The following PUS7 variants were observed in gnomAD, a reference collection of about 807,000 sequenced individuals.
PUS7 encodes pseudouridylate synthase 7 homolog.
PUS7 carries 48 observed loss-of-function variants against 79.8 expected under a neutral mutation model. That is an observed-to-expected ratio of 0.60 (90% CI 0.48 to 0.76). The LOEUF is 0.76. Among genes scored for constraint, PUS7 ranks in the 30% least tolerant of loss-of-function variants. The pLI is 0.00. For missense variants in PUS7, 729 were observed against 797.6 expected (o/e 0.91, Z 1.04); for synonymous variants, 286 against 272.2 (o/e 1.05, Z -0.50).
chr7:105,506,755 C>A (rs1024913895), intron 2 of PUS7, among the ~76,000 whole-genome samples: 1 of 151,972 alleles, frequency 6.6e-6, no homozygotes, highest in Non-Finnish European at 1.5e-5. Flanking sequence ...CTGAGCCATA[C>A]CTTGGCTCAA....
chr7:105,470,690 T>C lies in PUS7; in HGVS notation c.1396A>G (p.Ile466Val), dbSNP rs1456594445. 2.5e-6 allele frequency: 4 copies of C among 1,582,536 alleles called. No individual in the cohort carries two copies. The part of the protein sequence containing the change: ...GMKNIVSAFG[I>V]IPRNNRLMYI... ...CTGACTTCACAAATTGCACTCACTA[T>C]GCCAAATGCAGAGACTATATTCTTC... Residue 466 changes from isoleucine to valine, a missense_variant and splice_region_variant, in exon 11 of 16, where the codon ATA becomes GTA. Physicochemically the swap from Ile to Val is conservative, Grantham distance 29. Coordinates refer to ENST00000469408, the MANE Select transcript of PUS7 (RefSeq NM_019042.5).
At chr7:105,490,335 C>G (rs1465050137) in intron 7 of PUS7, among the ~76,000 whole-genome samples, 1 of 152,080 alleles carries the variant, frequency 6.6e-6, no homozygotes, top group Admixed American at 6.6e-5. Flanking sequence ...TGTTATTTCT[C>G]TCTCCCACCA....
rs373243240 is a variant in PUS7, at chr7:105,514,862, G to A, written c.-32-6318C>T. Among the ~76,000 whole-genome samples, 55 of 151,518 alleles carry A rather than the reference G, an allele frequency of 3.6e-4. 2 individuals are homozygous for A. The East Asian group carries it at 4.4e-3, about 12-fold the overall frequency. The stretch of plus-strand genomic sequence containing the variant: ...GCTGGAGAGCAGTGGCGCAATCTCG[G>A]CTCACTGCAAGCTCCGCCTCCTGGG... On this transcript the variant is annotated intron_variant, in intron 1 of 15. Coordinates refer to ENST00000469408, the MANE Select transcript of PUS7 (RefSeq NM_019042.5).
intron 12 of PUS7, 31 bp from the exon 13 acceptor site, chr7:105,465,445 G>C (rs1450612341): frequency 1.4e-6 from 2 of 1,449,174 alleles, no homozygotes; most frequent in Non-Finnish European, 1.9e-6. Flanking sequence ...AATAAATTAA[G>C]AAAATAGGCA....
chr7:105,502,828 T>C (rs1825309978), intron 4 of PUS7, among the ~76,000 whole-genome samples: 1 of 152,102 alleles, frequency 6.6e-6, no homozygotes, highest in Non-Finnish European at 1.5e-5. Context: ...GCCTCCTGAG[T>C]AGCTGGGATT....
At chr7:105,517,108 C>T (rs549674840) in intron 1 of PUS7, among the ~76,000 whole-genome samples, 5 of 152,112 alleles carry the variant, frequency 3.3e-5, no homozygotes, top group African/African-American at 1.2e-4. Context: ...TGATGTTAAA[C>T]CAGGAAGAGA....
At chr7:105,509,336 T>A (rs1029728413) in intron 1 of PUS7, among the ~76,000 whole-genome samples, 3 of 152,028 alleles carry the variant, frequency 2.0e-5, no homozygotes, top group African/African-American at 7.2e-5. Flanking sequence ...AAAACCGGCA[T>A]AATACTTCCG....
intron 11 of PUS7, among the ~76,000 whole-genome samples, chr7:105,469,834 C>T (rs1823802777): frequency 6.6e-6 from 1 of 152,214 alleles, no homozygotes; most frequent in South Asian, 2.1e-4. Context: ...CTCAAGTGAT[C>T]TGCCCACCTT....
intron 1 of PUS7, among the ~76,000 whole-genome samples, chr7:105,514,957 G>A (rs997068780): frequency 1.3e-5 from 2 of 152,046 alleles, no homozygotes; most frequent in African/African-American, 4.8e-5. Flanking sequence ...ACCACGCCTA[G>A]CTAATTTTTT....
rs1464020021 is a variant in PUS7 at position 105,456,504 on chromosome 7, G to C, written c.*1286C>G. The C allele has an allele frequency of 2.0e-5, 3 of 152,144 alleles. No homozygotes were observed. Among genetic ancestry groups the C allele is most frequent in the Admixed American group, 6.5e-5 (1 of 15,272 alleles). The allele number at this position is 152,144 out of a possible 1,614,324, so 9.4% of individuals were successfully genotyped here. On this transcript the variant is annotated 3_prime_UTR_variant, in exon 16 of 16. Transcript: ENST00000469408. ...TTAGTCAAGGTCAAGATTCTTATCT[G>C]CACTCATTTTGATATATTTATTTGA...
chr7:105,465,705 T>A (rs1329629673), intron 12 of PUS7, among the ~76,000 whole-genome samples: 1 of 152,034 alleles, frequency 6.6e-6, no homozygotes, highest in Non-Finnish European at 1.5e-5. Context: ...TGGTGGCGCA[T>A]GCCTGTAATC....
At chr7:105,485,946 C>G (rs1433385654) in intron 7 of PUS7, among the ~76,000 whole-genome samples, 4 of 152,164 alleles carry the variant, frequency 2.6e-5, no homozygotes, top group African/African-American at 9.7e-5. Context: ...CGGCATGCAC[C>G]ACCATGCCTG....
intron 12 of PUS7, among the ~76,000 whole-genome samples, chr7:105,465,630 C>T (rs1214910559): frequency 2.6e-5 from 4 of 151,816 alleles, no homozygotes; most frequent in East Asian, 1.9e-4. Flanking sequence ...GTTGGGAGTT[C>T]GAGACCAGCC....
Position 105,508,233 on chromosome 7 carries a change from C to G in PUS7, c.280G>C (p.Glu94Gln), listed in dbSNP as rs200210514. 4 of 1,614,154 alleles carry G rather than the reference C, an allele frequency of 2.5e-6. No individual in the cohort carries two copies. Among genetic ancestry groups the G allele is most frequent in the Non-Finnish European group, 3.4e-6 (4 of 1,180,024 alleles). The change falls in exon 2 of 16, where the codon GAG (glutamate) becomes CAG (glutamine). Residue 94 changes from glutamate (E) to glutamine (Q), a missense_variant. Transcript: ENST00000469408. ...GCAAAACTCTCTGATTCCTCCTCCTCGCACTCCTCTGAAAGTCCATCTTCC... is the reference window on the plus strand; with the variant it reads ...GCAAAACTCTCTGATTCCTCCTCCTGGCACTCCTCTGAAAGTCCATCTTCC... ...EEEDGLSEECEEEESESFADM... is the reference protein window; with the variant it reads ...EEEDGLSEECQEEESESFADM...
chr7:105,486,343 G>A (rs895080525), intron 7 of PUS7, among the ~76,000 whole-genome samples: 10 of 152,144 alleles, frequency 6.6e-5, no homozygotes, highest in Admixed American at 5.9e-4. Flanking sequence ...GTGAGCCACC[G>A]CACCCAGCTG....
chr7:105,483,716 G>C (rs143583069), intron 7 of PUS7, among the ~76,000 whole-genome samples: 1 of 152,084 alleles, frequency 6.6e-6, no homozygotes. Context: ...GGCTGGTCTC[G>C]ATCTCCTGGC....
chr7:105,512,545 T>TC (rs1423655716), intron 1 of PUS7, among the ~76,000 whole-genome samples: 2 of 152,084 alleles, frequency 1.3e-5, no homozygotes, highest in Non-Finnish European at 2.9e-5. Flanking sequence ...TCATTTGGGG[T>TC]CACAGGTACA....
In PUS7 at chr7:105,517,658, A is replaced by G. The variant is rs181883092; in HGVS notation, c.-33+4394T>C. Among the ~76,000 whole-genome samples, 24 of 152,278 alleles carry G rather than the reference A, an allele frequency of 1.6e-4. No homozygotes were observed. In the East Asian group the frequency reaches 4.6e-3, roughly 29 times the overall value. On this transcript the variant is annotated intron_variant, in intron 1 of 15. Transcript: ENST00000469408. ...ATGTGTGCATGTAGTCCCAGCTAAC[A>G]GGGCGGCTGAGGCAGGAGGATTGTG...
At chr7:105,488,155 G>A (rs1271611075) in intron 7 of PUS7, among the ~76,000 whole-genome samples, 1 of 152,164 alleles carries the variant, frequency 6.6e-6, no homozygotes, top group African/African-American at 2.4e-5. Flanking sequence ...ACAGAGCAGT[G>A]TCCTGATGAA....
Sources: gnomAD v4.1 joint callset for allele counts (sites outside exome capture counted in the v4.1 genomes callset) on GRCh38, gnomAD v4.1.1 for gene constraint, MANE v1.5 for transcripts, NCBI Gene and HGNC (gene_info 2026-07-23, HGNC 2026-07-21) for gene names.